Variants in PRRC2B observed in about 807,000 individuals in gnomAD.
PRRC2B encodes the protein protein PRRC2B.
A neutral mutation model predicts 242.3 loss-of-function variants in PRRC2B; 68 were observed. That is an observed-to-expected ratio of 0.28 (90% CI 0.23 to 0.34). PRRC2B has a LOEUF of 0.34. Ranked by LOEUF, PRRC2B falls within the 10% of genes least tolerant of loss-of-function variation. The pLI, the probability that PRRC2B is intolerant of heterozygous loss-of-function variation, is 1.00. For missense variants in PRRC2B, 2,835 were observed against 2,954.8 expected (o/e 0.96, Z 0.94); for synonymous variants, 1,228 against 1,173.6 (o/e 1.05, Z -0.95).
At chr9:131,378,621 TC>T (rs1418315173) in intron 1 of PRRC2B, among the ~76,000 whole-genome samples, 3 of 152,158 alleles carry the variant, frequency 2.0e-5, no homozygotes, top group Non-Finnish European at 4.4e-5. Flanking sequence ...TGTGCTCTCT[TC>T]CATTCTCTTC....
At chr9:131,394,529 C>T (rs1261883469) in intron 1 of PRRC2B, among the ~76,000 whole-genome samples, 2 of 148,934 alleles carry the variant, frequency 1.3e-5, no homozygotes, top group East Asian at 3.9e-4. Context: ...CGGCCTCAGG[C>T]TCGGGCGGGG....
rs752062265 is a variant in PRRC2B at position 131,475,375 on chromosome 9, C to T, written c.3246C>T (p.Gly1082=). The T allele has an allele frequency of 3.2e-6, 5 of 1,586,544 alleles. No individual in the cohort carries two copies. The highest frequency in any genetic ancestry group is 3.6e-5 in the Admixed American group (2 of 56,036). Residue 1082 remains glycine (G), a synonymous_variant, in exon 16 of 32, where the codon GGC becomes GGT. Transcript: ENST00000683519. ...REFTFRGRPA[G]GNGSGLCGGG... is the part of the protein sequence containing the mutation. ...TCACTTTTCGTGGTCGGCCTGCTGG[C>T]GGAAATGGGAGCGGCCTCTGTGGTG...
chr9:131,437,023 CTAGTTCAGGGTGAAGCTCCATGGAAGCG>C (rs1838396711), intron 4 of PRRC2B, among the ~76,000 whole-genome samples: 1 of 152,168 alleles, frequency 6.6e-6, no homozygotes, highest in African/African-American at 2.4e-5. Flanking sequence ...GGACTGCAGA[CTAGTTCAGGGTGAAGCTCCATGGAAGCG>C]TCACGTGAGC....
At position 131,404,160 on chromosome 9, in the gene PRRC2B, T is replaced by G. The variant is rs762900128; in HGVS notation, c.-52+9897T>G. 1.6e-4 allele frequency among the ~76,000 whole-genome samples: 25 copies of G among 151,872 alleles called. 1 individual carries two copies. Among genetic ancestry groups the G allele is most frequent in the Middle Eastern group, 3.4e-3 (1 of 294 alleles). On this transcript the variant is annotated intron_variant, in intron 1 of 31. Transcript: ENST00000683519. ...GTTAGGTTTCTAAAAAATATACAGG[T>G]GTGTAAAAGAAGAAAAAATCGTTTA...
chr9:131,461,245 C>G (rs1415004662), intron 11 of PRRC2B, among the ~76,000 whole-genome samples: 1 of 152,198 alleles, frequency 6.6e-6, no homozygotes, highest in Non-Finnish European at 1.5e-5. Context: ...TCATTGTCCC[C>G]ACTCCTGGAT....
intron 16 of PRRC2B, among the ~76,000 whole-genome samples, chr9:131,476,797 CAT>C (rs1336962095): frequency 1.3e-5 from 2 of 150,504 alleles, no homozygotes; most frequent in Admixed American, 1.3e-4. Context: ...AGAGTCCAGT[CAT>C]GTGTCCCTGG....
At chr9:131,469,891 TAGGGTTCAGTG>T (rs1943493054) in intron 13 of PRRC2B, among the ~76,000 whole-genome samples, 1 of 152,132 alleles carries the variant, frequency 6.6e-6, no homozygotes, top group Non-Finnish European at 1.5e-5. Context: ...GGGAGTCTCT[TAGGGTTCAGTG>T]AGGGTTACCA....
At chr9:131,460,500 G>A (rs1356831292) in intron 11 of PRRC2B, among the ~76,000 whole-genome samples, 1 of 152,130 alleles carries the variant, frequency 6.6e-6, no homozygotes, top group Admixed American at 6.6e-5. Flanking sequence ...ACTTCATCCT[G>A]TCCCCCTCTG....
rs369405358 is a variant in PRRC2B, at chr9:131,420,809, G to C, written c.-51-9285G>C. Among the ~76,000 whole-genome samples, 23 of 152,058 alleles carry C rather than the reference G, an allele frequency of 1.5e-4. No homozygotes were observed. In the East Asian group the frequency reaches 3.9e-3, roughly 26 times the overall value. ...ACCCTTGCTTTTCTGACAGTGCCAC[G>C]TAGGGAGCCTCTGCAAGCTGGAGGT... is the stretch of plus-strand genomic sequence containing the variant. On this transcript the variant is annotated intron_variant, in intron 1 of 31. Transcript: ENST00000683519.
At chr9:131,458,255 C>T (rs1488762029) in intron 10 of PRRC2B, among the ~76,000 whole-genome samples, 3 of 152,040 alleles carry the variant, frequency 2.0e-5, no homozygotes, top group Non-Finnish European at 4.4e-5. Context: ...GGAGATGTAC[C>T]AAAAGGAGAC....
At chr9:131,420,466 T>TTTCC (rs1564278504) in intron 1 of PRRC2B, among the ~76,000 whole-genome samples, 2 of 9,092 alleles carry the variant, frequency 2.2e-4, no homozygotes, top group South Asian at 9.3e-3. Context: ...TCTTTCTTTC[T>TTTCC]TTCTTTCTTT....
chr9:131,494,358 G>T lies in PRRC2B; in HGVS notation c.6474-47G>T. ...TGTGCTAGGCTTTGACTCCATTTCT[G>T]TGGTGACACGTTGTGTATTCTCAAC... On this transcript the variant is annotated intron_variant, in intron 30 of 31. Coordinates refer to ENST00000683519, the MANE Select transcript of PRRC2B (RefSeq NM_013318.4). The surrounding 1 kb of genome is among the most constrained non-coding windows in gnomAD (Gnocchi z 4.3). 3.0e-6 allele frequency: 3 copies of T among 1,013,350 alleles called. No individual in the cohort carries two copies. The highest frequency in any genetic ancestry group is 4.5e-6 in the Non-Finnish European group (3 of 662,220). 62.8% of individuals were successfully genotyped at this position (1,013,350 alleles called of 1,614,324 possible).
intron 2 of PRRC2B, 150 bp from the exon 3 acceptor site, chr9:131,432,467 G>A (rs1432696227): frequency 1.5e-6 from 1 of 681,408 alleles, no homozygotes; most frequent in East Asian, 2.7e-5. Context: ...CCAAACACTT[G>A]TTTGTCCCAC....
In PRRC2B at chr9:131,430,175, G is replaced by A. The variant is rs1202112201; in HGVS notation, c.31G>A (p.Gly11Ser). The change falls in exon 2 of 32, where the codon GGC becomes AGC. Residue 11 changes from glycine (G) to serine (S), a missense_variant. By Grantham distance (56) the Gly-to-Ser change is moderately conservative. Coordinates refer to ENST00000683519, the MANE Select transcript of PRRC2B (RefSeq NM_013318.4). ...CGATCGTTTGGGGCAAATTACCAAG[G>A]GCAAGGATGGGAAAAGCAAGTACTC... The part of the protein sequence containing the change: MSDRLGQITK[G>S]KDGKSKYSTL... The A allele has an allele frequency of 1.1e-5, 17 of 1,607,370 alleles. No individual in the cohort carries two copies. Among genetic ancestry groups the A allele is most frequent in the Non-Finnish European group, 1.4e-5 (17 of 1,177,142 alleles).
At position 131,432,750 on chromosome 9, in the gene PRRC2B, C is replaced by T. The variant is rs1838220198; in HGVS notation, c.249C>T (p.Asp83=). Residue 83 remains aspartate, a synonymous_variant, in exon 3 of 32, where the codon GAC becomes GAT. Coordinates refer to ENST00000683519, the MANE Select transcript of PRRC2B (RefSeq NM_013318.4). ...NDPNIVIVPK[D]GTGWANKQDQ... is the part of the protein sequence containing the mutation. The stretch of plus-strand genomic sequence containing the variant: ...CCAACATCGTGATAGTACCCAAGGA[C>T]GGGACGGGATGGGCAAACAAGCAGG... 1.9e-6 allele frequency: 3 copies of T among 1,614,016 alleles called. No homozygotes were observed. Among genetic ancestry groups the T allele is most frequent in the Non-Finnish European group, 1.7e-6 (2 of 1,179,904 alleles).
Position 131,487,394 on chromosome 9 carries a change from T to C in PRRC2B, c.5984+100T>C, listed in dbSNP as rs1050804096. On this transcript the variant is annotated intron_variant, in intron 27 of 31. Transcript: ENST00000683519. This position sits in a 1 kb window ranked among gnomAD's most constrained non-coding sequence, Gnocchi z 5.3. The stretch of plus-strand genomic sequence containing the variant: ...GCAGCTGTTTGGTGCTTGTCTGCTT[T>C]GGGGCCAGTGGGGCGGGGAGGGGTG... 6 of 593,982 alleles carry C rather than the reference T, an allele frequency of 1.0e-5. No homozygotes were observed. In the African/African-American group the frequency reaches 1.2e-4, roughly 12 times the overall value. The allele number at this position is 593,982 out of a possible 1,614,324, so 36.8% of individuals were successfully genotyped here.
chr9:131,395,763 C>G (rs1457685486), intron 1 of PRRC2B, among the ~76,000 whole-genome samples: 8 of 152,132 alleles, frequency 5.3e-5, no homozygotes, highest in African/African-American at 1.9e-4. Flanking sequence ...TTAGTGGGCG[C>G]TTATACAGTG....
In PRRC2B at chr9:131,476,076, T is replaced by G. The variant is rs372166399; in HGVS notation, c.3947T>G (p.Leu1316Arg). The change falls in exon 16 of 32, where the codon CTC (leucine) becomes CGC (arginine). Residue 1316 changes from leucine to arginine, a missense_variant. Transcript: ENST00000683519. ...GATAAGCCCCCTCGATTCCGGCGCC[T>G]CCGGCAAGAGCGGGAGTCCCTGGGC... ...RQDKPPRFRR[L>R]RQERESLGLW... The G allele has an allele frequency of 6.2e-7, 1 of 1,607,380 alleles. No individual in the cohort carries two copies. The highest frequency in any genetic ancestry group is 8.5e-7 in the Non-Finnish European group (1 of 1,175,850).
rs769089336 is a variant in PRRC2B at position 131,465,000 on chromosome 9, C to G, written c.1642C>G (p.Gln548Glu). 5.0e-6 allele frequency: 8 copies of G among 1,613,872 alleles called. No homozygotes were observed. In the South Asian group the frequency reaches 7.7e-5, roughly 16 times the overall value. ...QARKAGEARK[Q>E]AEKEVPWSPS... ...ACGAAAGGCAGGTGAGGCCCGGAAG[C>G]AGGCAGAGAAGGAAGTGCCCTGGTC... Residue 548 changes from glutamine (Q) to glutamate (E), a missense_variant, in exon 12 of 32, where the codon CAG becomes GAG. Coordinates refer to ENST00000683519, the MANE Select transcript of PRRC2B (RefSeq NM_013318.4).
Sources: allele counts gnomAD v4.1 joint callset (sites outside exome capture counted in the v4.1 genomes callset), GRCh38; gene constraint gnomAD v4.1.1; non-coding constraint Gnocchi (gnomAD v3.1); transcripts MANE v1.5; gene names NCBI Gene and HGNC (gene_info 2026-07-23, HGNC 2026-07-21).